Variants in DDR2 observed in about 807,000 individuals in gnomAD.
The protein encoded by DDR2 is discoidin domain receptor tyrosine kinase 2, also known as discoidin domain-containing receptor 2.
In DDR2, 27 loss-of-function variants were observed where a neutral mutation model predicts 94.9. The observed-to-expected ratio is 0.28, with a 90% CI of 0.21 to 0.39. The LOEUF (loss-of-function observed/expected upper bound fraction) is 0.39, where lower values mean the gene tolerates loss of function less well. Ranked by LOEUF, DDR2 falls within the 10% of genes least tolerant of loss-of-function variation. DDR2 has a pLI of 1.00. For synonymous variants in DDR2, 382 were observed against 377.2 expected (o/e 1.01, Z -0.15); for missense variants, 783 against 1,076.0 (o/e 0.73, Z 3.81).
chr1:162,753,863 A>G (rs908142299), intron 4 of DDR2, among the ~76,000 whole-genome samples: 2 of 152,206 alleles, frequency 1.3e-5, no homozygotes, highest in East Asian at 1.9e-4. Flanking sequence ...GGAATTACCC[A>G]TAAGAAAATG....
intron 3 of DDR2, among the ~76,000 whole-genome samples, chr1:162,730,058 C>CTTTAAAA (rs1661953788): frequency 1.6e-5 from 1 of 64,186 alleles, no homozygotes. Context: ...TTTTTTTTTG[C>CTTTAAAA]AAAAAAAAAA....
chr1:162,687,464 T>C (rs755854130), intron 2 of DDR2, among the ~76,000 whole-genome samples: 2 of 152,234 alleles, frequency 1.3e-5, no homozygotes, highest in Non-Finnish European at 2.9e-5. Context: ...ATTAGGAATA[T>C]ATGTTTATTT....
At chr1:162,766,163 A>G in intron 10 of DDR2, 100 bp downstream of exon 10, 2 of 1,298,580 alleles carry the variant, frequency 1.5e-6, no homozygotes, top group Non-Finnish European at 2.2e-6. Flanking sequence ...GGGAGGCTTT[A>G]CACCAGTTGG....
At chr1:162,701,337 A>T (rs929057659) in intron 2 of DDR2, among the ~76,000 whole-genome samples, 1 of 152,240 alleles carries the variant, frequency 6.6e-6, no homozygotes, top group African/African-American at 2.4e-5. Flanking sequence ...TGGCATTTGC[A>T]GTAAATGGAA....
rs150250613 is a variant in DDR2 at position 162,748,999 on chromosome 1, C to T, written c.83-4096C>T. The stretch of plus-strand genomic sequence containing the variant: ...CATACCAGAATCTCTGGGACACATT[C>T]AAAGCAGTGCATAGAGGGAAATTTA... On this transcript the variant is annotated intron_variant, in intron 3 of 17. Coordinates refer to ENST00000367921, the MANE Select transcript of DDR2 (RefSeq NM_006182.4). Among the ~76,000 whole-genome samples the T allele has an allele frequency of 9.5e-3, 1,443 of 151,426 alleles. 22 individuals are homozygous for T. The highest frequency in any genetic ancestry group is 0.033 in the African/African-American group (1,378 of 41,234).
At chr1:162,761,076 A>C in intron 8 of DDR2, 135 bp from the exon 9 acceptor site, 1 of 1,288,014 alleles carries the variant, frequency 7.8e-7, no homozygotes. Context: ...AGGAAGCAGG[A>C]TGGCAGTCTT....
chr1:162,750,311 C>A (rs1305973452), intron 3 of DDR2, among the ~76,000 whole-genome samples: 2 of 152,172 alleles, frequency 1.3e-5, no homozygotes, highest in African/African-American at 4.8e-5. Flanking sequence ...GATACAAAAT[C>A]AATGTGCAAA....
chr1:162,635,080 C>T (rs928863685), intron 1 of DDR2, among the ~76,000 whole-genome samples: 1 of 152,074 alleles, frequency 6.6e-6, no homozygotes, highest in African/African-American at 2.4e-5. Flanking sequence ...AAGGTGTTTC[C>T]GGAATGCCTT....
intron 1 of DDR2, among the ~76,000 whole-genome samples, chr1:162,635,675 G>A (rs910506637): frequency 1.3e-5 from 2 of 152,132 alleles, no homozygotes; most frequent in Non-Finnish European, 2.9e-5. Flanking sequence ...GCATCCCAGG[G>A]CTTCTCTGAA....
intron 2 of DDR2, among the ~76,000 whole-genome samples, chr1:162,717,679 T>C (rs1237801938): frequency 6.6e-6 from 1 of 152,202 alleles, no homozygotes; most frequent in Non-Finnish European, 1.5e-5. Context: ...TTCCCCCAAC[T>C]GAGACTTTTC....
rs573242046 is a variant in DDR2 at position 162,763,731 on chromosome 1, T to C, written c.1100-2270T>C. ...GCTCATTACTAATAGGTTGTCATTG[T>C]TTCTTGGATTTTTCGGTGGAAGAAA... On this transcript the variant is annotated intron_variant, in intron 9 of 17. Transcript: ENST00000367921. Among the ~76,000 whole-genome samples the C allele has an allele frequency of 6.6e-5, 10 of 152,298 alleles. No individual in the cohort carries two copies. The East Asian group carries it at 1.9e-3, about 29-fold the overall frequency.
At position 162,778,810 on chromosome 1, in the gene DDR2, T is replaced by C. The variant is rs557633079; in HGVS notation, c.2433+81T>C. On this transcript the variant is annotated intron_variant, in intron 17 of 17. Transcript: ENST00000367921. ...ATGGCAAGTCCTGCCTTAGCAGGAGTGGGCCGAGATGGAAGACAGACTATC... is the reference window on the plus strand; with the variant it reads ...ATGGCAAGTCCTGCCTTAGCAGGAGCGGGCCGAGATGGAAGACAGACTATC... 7.0e-6 allele frequency: 11 copies of C among 1,570,008 alleles called. No homozygotes were observed. In the South Asian group the frequency reaches 1.2e-4, roughly 18 times the overall value.
At chr1:162,701,927 C>T (rs146420117) in intron 2 of DDR2, among the ~76,000 whole-genome samples, 38 of 152,126 alleles carry the variant, frequency 2.5e-4, no homozygotes, top group Non-Finnish European at 4.0e-4. Flanking sequence ...ATGAAACATT[C>T]GAAGGTCTTT....
At chr1:162,717,299 G>A (rs925642408) in intron 2 of DDR2, among the ~76,000 whole-genome samples, 1 of 152,152 alleles carries the variant, frequency 6.6e-6, no homozygotes, top group Non-Finnish European at 1.5e-5. Context: ...GCCTTCCAAA[G>A]TTCTGGGATT....
At chr1:162,769,087 A>G (rs539436904) in intron 11 of DDR2, among the ~76,000 whole-genome samples, 1 of 152,258 alleles carries the variant, frequency 6.6e-6, no homozygotes, top group African/African-American at 2.4e-5. Context: ...TTTTCTCTTT[A>G]TTTGAGCCAC....
rs533841225 is a variant in DDR2 at position 162,697,781 on chromosome 1, T to C, written c.-27-21256T>C. On this transcript the variant is annotated intron_variant, in intron 2 of 17. Transcript: ENST00000367921. ...GATGGTCCTCTTGGAAAGGATCCTA[T>C]TTTTCTATGAGAAAACTGAGGCTTG... Among the ~76,000 whole-genome samples the C allele has an allele frequency of 5.9e-5, 9 of 152,320 alleles. No individual in the cohort carries two copies. The East Asian group carries it at 1.4e-3, about 23-fold the overall frequency.
At chr1:162,770,270 A>C (rs750579760) in intron 11 of DDR2, 32 bp from the exon 12 acceptor site, 1 of 1,608,852 alleles carries the variant, frequency 6.2e-7, no homozygotes. Context: ...CTTTTGTGCC[A>C]ACATGCCTTT....
intron 2 of DDR2, among the ~76,000 whole-genome samples, chr1:162,666,235 G>A (rs1217568604): frequency 2.6e-5 from 4 of 152,050 alleles, no homozygotes; most frequent in Non-Finnish European, 5.9e-5. Flanking sequence ...TCTCTCTCTC[G>A]CATTCTTTTT....
intron 2 of DDR2, among the ~76,000 whole-genome samples, chr1:162,683,088 T>G (rs1269167667): frequency 1.3e-5 from 2 of 152,194 alleles, no homozygotes; most frequent in African/African-American, 4.8e-5. Flanking sequence ...TTCAATATTT[T>G]AAAATCATGT....
Sources: allele counts gnomAD v4.1 joint callset (sites outside exome capture counted in the v4.1 genomes callset), GRCh38; gene constraint gnomAD v4.1.1; transcripts MANE v1.5; gene names NCBI Gene and HGNC (gene_info 2026-07-23, HGNC 2026-07-21).